The following PPP2R5C variants were observed in gnomAD, a reference collection of about 807,000 sequenced individuals.
PPP2R5C encodes serine/threonine-protein phosphatase 2A 56 kDa regulatory subunit gamma isoform.
PPP2R5C carries 7 observed loss-of-function variants against 68.9 expected under a neutral mutation model. That is an observed-to-expected ratio of 0.10 (90% CI 0.06 to 0.19). The LOEUF is 0.19. PPP2R5C is among the 10% of genes least tolerant of loss of function. The pLI is 1.00. For missense variants in PPP2R5C, 348 were observed against 641.3 expected (o/e 0.54, Z 4.94); for synonymous variants, 210 against 222.2 (o/e 0.95, Z 0.49).
exon 14 of PPP2R5C, chr14:101,926,130 T>C (rs1214481508): frequency 6.6e-6 from 1 of 152,252 alleles, no homozygotes; most frequent in Non-Finnish European, 1.5e-5. Flanking sequence ...TTAATAAAAT[T>C]ATAGTCTCTA....
chr14:101,904,810 G>C (rs1174595331), intron 9 of PPP2R5C, among the ~76,000 whole-genome samples: 1 of 152,248 alleles, frequency 6.6e-6, no homozygotes, highest in Non-Finnish European at 1.5e-5. Flanking sequence ...GATGAAGGGT[G>C]TTGACAGTAG....
intron 1 of PPP2R5C, among the ~76,000 whole-genome samples, chr14:101,848,762 G>A (rs1325877308): frequency 6.6e-6 from 1 of 152,224 alleles, no homozygotes; most frequent in Non-Finnish European, 1.5e-5. Flanking sequence ...GGAGGCCAGA[G>A]GGTGGGTGTG....
intron 2 of PPP2R5C, among the ~76,000 whole-genome samples, chr14:101,873,937 A>G (rs1459100931): frequency 6.6e-6 from 1 of 152,136 alleles, no homozygotes. Context: ...GTAATTTTAT[A>G]TATTTTTGCC....
chr14:101,761,164 G>A (rs1349663188), upstream of PPP2R5C, among the ~76,000 whole-genome samples: 1 of 152,108 alleles, frequency 6.6e-6, no homozygotes, highest in Non-Finnish European at 1.5e-5. Flanking sequence ...CTCCCCGTGC[G>A]CCTCAGTGCA....
At chr14:101,802,657 A>G (rs1390717213) in intron 3 of PPP2R5C, among the ~76,000 whole-genome samples, 1 of 152,180 alleles carries the variant, frequency 6.6e-6, no homozygotes, top group African/African-American at 2.4e-5. Flanking sequence ...ACATCTCTGC[A>G]TTAAAGGGCC....
Position 101,916,191 on chromosome 14 carries a change from CG to C in PPP2R5C, c.1327-1636del, listed in dbSNP as rs1447208063. Among the ~76,000 whole-genome samples the C allele has an allele frequency of 1.3e-5, 2 of 152,126 alleles. No individual in the cohort carries two copies. The highest frequency in any genetic ancestry group is 2.9e-5 in the Non-Finnish European group (2 of 68,012). On this transcript the variant is annotated intron_variant, in intron 12 of 13. Coordinates refer to ENST00000334743, the Ensembl canonical transcript of PPP2R5C. This position sits in a 1 kb window ranked among gnomAD's most constrained non-coding sequence, Gnocchi z 5.5. ...AGCATGGATGGAGTGCTGGGGCTGT[CG>C]GGGTAGGGTGTGGAGATGTGTGGAG...
intron 1 of PPP2R5C, among the ~76,000 whole-genome samples, chr14:101,822,075 C>A (rs1376395310): frequency 7.8e-6 from 1 of 128,450 alleles, no homozygotes; most frequent in Non-Finnish European, 1.6e-5. Flanking sequence ...CACCACCACC[C>A]CCTGCCCCCC....
At chr14:101,801,390 A>C (rs2038856016) in intron 3 of PPP2R5C, among the ~76,000 whole-genome samples, 1 of 152,210 alleles carries the variant, frequency 6.6e-6, no homozygotes, top group Non-Finnish European at 1.5e-5. Flanking sequence ...CCACCCAATG[A>C]TGACACTGTG....
rs1397750413 is a variant in PPP2R5C, at chr14:101,888,273, C to T, written c.630-1964C>T. ...ACGGCTGCCGTGTATGCAAAGGGAG[C>T]CTGCAGGGTGAGTTTCGTAAATTAA... On this transcript the variant is annotated intron_variant, in intron 5 of 13. Transcript: ENST00000334743. The surrounding 1 kb of genome is among the most constrained non-coding windows in gnomAD (Gnocchi z 5.6). Among the ~76,000 whole-genome samples, 1 of 151,854 alleles carries T rather than the reference C, an allele frequency of 6.6e-6. No individual in the cohort carries two copies. The highest frequency in any genetic ancestry group is 1.5e-5 in the Non-Finnish European group (1 of 67,984).
At chr14:101,778,571 GT>G (rs1023178301) in intron 2 of PPP2R5C, among the ~76,000 whole-genome samples, 5 of 152,068 alleles carry the variant, frequency 3.3e-5, no homozygotes, top group African/African-American at 1.2e-4. Context: ...TGTTGAAATC[GT>G]TTTTTTCCTG....
chr14:101,813,933 A>T (rs1415318655), intron 1 of PPP2R5C, among the ~76,000 whole-genome samples: 1 of 152,222 alleles, frequency 6.6e-6, no homozygotes, highest in African/African-American at 2.4e-5. Context: ...CACCTTTCCA[A>T]TAAAAACTCA....
rs530028928 is a variant in PPP2R5C, at chr14:101,796,778, G to A, written c.259+10595G>A. On this transcript the variant is annotated intron_variant, in intron 3 of 14. Coordinates refer to the PPP2R5C transcript ENST00000328724. Reference sequence around the variant, plus strand: ...GTTTCCAGCTGCCAGCTGTAATCTCGGCTCATTACCGCACACAGAGACCAC... The same window carrying A: ...GTTTCCAGCTGCCAGCTGTAATCTCAGCTCATTACCGCACACAGAGACCAC... 109 of 186,654 alleles carry A rather than the reference G, an allele frequency of 5.8e-4. 1 individual carries two copies. The highest frequency in any genetic ancestry group is 2.4e-3 in the African/African-American group (100 of 42,230). 11.6% of individuals were successfully genotyped at this position (186,654 alleles called of 1,614,324 possible).
chr14:101,882,998 T>C lies in PPP2R5C; in HGVS notation c.406-259T>C. On this transcript the variant is annotated intron_variant, in intron 3 of 13. Coordinates refer to ENST00000334743, the Ensembl canonical transcript of PPP2R5C. The surrounding 1 kb of genome is among the most constrained non-coding windows in gnomAD (Gnocchi z 4.9). The stretch of plus-strand genomic sequence containing the variant: ...GCCCTGTAGTCCCTGAACAGTGTAC[T>C]ATAACTGATGACATCAGCCATGGAG... 2.5e-6 allele frequency: 1 copy of C among 400,074 alleles called. No homozygotes were observed. Among genetic ancestry groups the C allele is most frequent in the Non-Finnish European group, 4.5e-6 (1 of 221,452 alleles). The allele number at this position is 400,074 out of a possible 1,614,324, so 24.8% of individuals were successfully genotyped here.
intron 1 of PPP2R5C, among the ~76,000 whole-genome samples, chr14:101,850,057 G>A (rs1678009): frequency 0.23 from 35,356 of 152,082 alleles, 4,214 homozygotes; most frequent in African/African-American, 0.27. Context: ...CATTGAATCC[G>A]TAGGTCAGTT....
chr14:101,798,801 T>C (rs1197313510), intron 3 of PPP2R5C, among the ~76,000 whole-genome samples: 1 of 152,006 alleles, frequency 6.6e-6, no homozygotes, highest in Non-Finnish European at 1.5e-5. Flanking sequence ...TCAGGAAAGG[T>C]TCAGAATGTC....
chr14:101,806,517 C>T (rs1478080563), upstream of PPP2R5C, among the ~76,000 whole-genome samples: 1 of 152,146 alleles, frequency 6.6e-6, no homozygotes, highest in Non-Finnish European at 1.5e-5. Flanking sequence ...CATTGATGGG[C>T]ATTTGGGTTG....
intron 2 of PPP2R5C, chr14:101,765,506 A>T: frequency 2.2e-6 from 1 of 462,244 alleles, no homozygotes; most frequent in Non-Finnish European, 3.9e-6. Flanking sequence ...TATTACTCTT[A>T]ACTTGAATAT....
intron 7 of PPP2R5C, among the ~76,000 whole-genome samples, chr14:101,893,960 A>G (rs1397777853): frequency 6.6e-6 from 1 of 152,258 alleles, no homozygotes; most frequent in Non-Finnish European, 1.5e-5. Flanking sequence ...GCCCCAGCAC[A>G]GGCACAGGGG....
At chr14:101,901,084 A>G (rs1340954990) in intron 8 of PPP2R5C, among the ~76,000 whole-genome samples, 1 of 152,264 alleles carries the variant, frequency 6.6e-6, no homozygotes, top group Non-Finnish European at 1.5e-5. Context: ...ATACAGAAGT[A>G]TGTGTGTTTG....
Sources: allele counts gnomAD v4.1 joint callset (sites outside exome capture counted in the v4.1 genomes callset), GRCh38; gene constraint gnomAD v4.1.1; non-coding constraint Gnocchi (gnomAD v3.1); transcripts MANE v1.5; gene names NCBI Gene and HGNC (gene_info 2026-07-23, HGNC 2026-07-21).